Variants in AQR observed in about 807,000 individuals in gnomAD.
The protein encoded by AQR is RNA helicase aquarius.
A neutral mutation model predicts 180.5 loss-of-function variants in AQR; 61 were observed. The observed-to-expected ratio is 0.34, with a 90% CI of 0.28 to 0.42. The LOEUF (loss-of-function observed/expected upper bound fraction) is 0.42, where lower values mean the gene tolerates loss of function less well. Among genes scored for constraint, AQR ranks in the 10% least tolerant of loss-of-function variants. AQR has a pLI of 1.00. For missense variants in AQR, 1,281 were observed against 1,798.3 expected, an observed-to-expected ratio of 0.71 and a Z score of 5.20; for synonymous variants, 551 against 588.8, an observed-to-expected ratio of 0.94 and a Z score of 0.93.
intron 23 of AQR, among the ~76,000 whole-genome samples, chr15:34,891,880 A>G (rs1366799039): frequency 2.0e-5 from 3 of 152,282 alleles, no homozygotes; most frequent in East Asian, 3.9e-4. Context: ...ATAATTATGT[A>G]TAACATATAT....
intron 5 of AQR, 154 bp downstream of exon 5, chr15:34,948,110 C>T: frequency 1.3e-6 from 1 of 768,580 alleles, no homozygotes; most frequent in Non-Finnish European, 1.9e-6. Context: ...CAAAAGAAAA[C>T]ATATCTTTCA....
intron 24 of AQR, among the ~76,000 whole-genome samples, chr15:34,888,678 C>A (rs1434967104): frequency 1.3e-5 from 2 of 152,106 alleles, no homozygotes; most frequent in Non-Finnish European, 2.9e-5. Context: ...GCCTGGGCAA[C>A]AAAGTGAAAC....
chr15:34,929,288 C>T (rs774089615), intron 12 of AQR, among the ~76,000 whole-genome samples: 9 of 152,032 alleles, frequency 5.9e-5, no homozygotes, highest in Non-Finnish European at 8.8e-5. Flanking sequence ...TGAATGGTAT[C>T]GCCTAGGTTT....
Position 34,867,557 on chromosome 15 carries a change from G to GA in AQR, c.3820dup (p.Ser1274PhefsTer23). The GA allele has an allele frequency of 6.2e-7, 1 of 1,612,272 alleles. No individual in the cohort carries two copies. The highest frequency in any genetic ancestry group is 8.5e-7 in the Non-Finnish European group (1 of 1,179,284). ...GCCCACTGCCCTGGTTCGTACCAGA[G>GA]AAAGAAGAATATAGTCATTCTGTTG... On this transcript the variant is annotated frameshift_variant, in exon 32 of 35. Coordinates refer to ENST00000156471, the MANE Select transcript of AQR (RefSeq NM_014691.3). LOFTEE classifies it high-confidence loss of function.
At position 34,852,912 on chromosome 15, in the gene AQR, A is replaced by C. The variant is rs1199140973; in HGVS notation, c.*3880T>G. On this transcript the variant is annotated 3_prime_UTR_variant, in exon 35 of 35. Coordinates refer to ENST00000156471, the MANE Select transcript of AQR (RefSeq NM_014691.3). ...AAGTGAATAAAGCTGGCACACTGTC[A>C]GTCCGGAGTACCATGCTGCATTCTG... 6.6e-6 allele frequency: 1 copy of C among 152,274 alleles called. No homozygotes were observed. Among genetic ancestry groups the C allele is most frequent in the African/African-American group, 2.4e-5 (1 of 41,478 alleles). The allele number at this position is 152,274 out of a possible 1,614,324, so 9.4% of individuals were successfully genotyped here.
At chr15:34,857,732 C>CA (rs1461340409) in intron 34 of AQR, among the ~76,000 whole-genome samples, 5 of 151,160 alleles carry the variant, frequency 3.3e-5, no homozygotes, top group African/African-American at 4.9e-5. Flanking sequence ...GCCTGGGTGA[C>CA]AGAGAGAGAT....
At chr15:34,858,836 A>G (rs1347669992) in intron 34 of AQR, among the ~76,000 whole-genome samples, 1 of 152,232 alleles carries the variant, frequency 6.6e-6, no homozygotes, top group Non-Finnish European at 1.5e-5. Flanking sequence ...CAACAAAGAA[A>G]AAAATCGCCT....
chr15:34,920,331 C>A lies in AQR; in HGVS notation c.1221+1G>T. 1 of 1,596,076 alleles carries A rather than the reference C, an allele frequency of 6.3e-7. No individual in the cohort carries two copies. Among genetic ancestry groups the A allele is most frequent in the Non-Finnish European group, 8.6e-7 (1 of 1,165,490 alleles). On this transcript the variant is annotated splice_donor_variant, in intron 14 of 34. Transcript: ENST00000156471. LOFTEE classifies it high-confidence loss of function. ...AAAATTCAGAGAACATTAATATTTACCAGCAATTCTAGAAGAAATTCTTTA... is the reference window on the plus strand; with the variant it reads ...AAAATTCAGAGAACATTAATATTTAACAGCAATTCTAGAAGAAATTCTTTA...
chr15:34,940,143 G>A (rs1894001166), intron 8 of AQR, among the ~76,000 whole-genome samples: 1 of 152,220 alleles, frequency 6.6e-6, no homozygotes, highest in Admixed American at 6.5e-5. Flanking sequence ...AAGGGACTTA[G>A]GAAAGAAATG....
intron 16 of AQR, among the ~76,000 whole-genome samples, chr15:34,913,669 A>G (rs1893533795): frequency 1.3e-5 from 2 of 152,238 alleles, no homozygotes; most frequent in South Asian, 4.1e-4. Flanking sequence ...TATTTGTTGA[A>G]CTGCCAGTTA....
intron 24 of AQR, among the ~76,000 whole-genome samples, chr15:34,888,388 TAAAG>T (rs1374856509): frequency 6.6e-6 from 1 of 151,370 alleles, no homozygotes; most frequent in Non-Finnish European, 1.5e-5. Context: ...ACTTAAAAGA[TAAAG>T]AATTATTTTT....
At chr15:34,893,866 T>A in intron 22 of AQR, 93 bp from the exon 23 acceptor site, 1 of 1,107,026 alleles carries the variant, frequency 9.0e-7, no homozygotes, top group Non-Finnish European at 1.4e-6. Flanking sequence ...AAAGATAAAA[T>A]TAACAAATTC....
At chr15:34,867,002 T>C (rs1156830347) in intron 32 of AQR, among the ~76,000 whole-genome samples, 1 of 152,134 alleles carries the variant, frequency 6.6e-6, no homozygotes, top group Non-Finnish European at 1.5e-5. Context: ...ATGGATGCTT[T>C]ATAATAAGAA....
At chr15:34,888,704 C>CA (rs1033043924) in intron 24 of AQR, among the ~76,000 whole-genome samples, 2 of 151,794 alleles carry the variant, frequency 1.3e-5, no homozygotes, top group Non-Finnish European at 2.9e-5. Context: ...CTCAAAAAAA[C>CA]AAAAAAAGCA....
intron 5 of AQR, 142 bp from the exon 6 acceptor site, chr15:34,944,570 C>G (rs1052759668): frequency 2.6e-6 from 2 of 779,700 alleles, no homozygotes; most frequent in Non-Finnish European, 3.8e-6. Context: ...AAAGAAGCAT[C>G]ACGTGCTTAC....
At chr15:34,898,680 C>G (rs1055536860) in intron 20 of AQR, among the ~76,000 whole-genome samples, 16 of 152,066 alleles carry the variant, frequency 1.1e-4, no homozygotes, top group Non-Finnish European at 1.8e-4. Flanking sequence ...GTCAGGAGAT[C>G]GAGACCATCC....
intron 19 of AQR, among the ~76,000 whole-genome samples, chr15:34,902,381 C>T (rs1893344205): frequency 6.6e-6 from 1 of 152,122 alleles, no homozygotes; most frequent in South Asian, 2.1e-4. Flanking sequence ...AGAGATGCTA[C>T]ACAGATACAT....
At chr15:34,861,705 A>G (rs1206314361) in intron 33 of AQR, among the ~76,000 whole-genome samples, 2 of 152,144 alleles carry the variant, frequency 1.3e-5, no homozygotes, top group Admixed American at 6.5e-5. Context: ...TTGTGTCTAG[A>G]CTTGAGCCTG....
rs1309576097 is a variant in AQR at position 34,947,518 on chromosome 15, AT to A, written c.330+745del. On this transcript the variant is annotated intron_variant, in intron 5 of 34. Transcript: ENST00000156471. Reference sequence around the variant, plus strand: ...CCAAGAATGATCAATAAAAAAAATAATAATAATAATAATAATAATAAAATAA... The same window carrying A: ...CCAAGAATGATCAATAAAAAAAATAAAATAATAATAATAATAATAAAATAA... Among the ~76,000 whole-genome samples the A allele has an allele frequency of 2.3e-3, 329 of 142,738 alleles. 6 individuals are homozygous for A. The highest frequency in any genetic ancestry group is 4.0e-3 in the Admixed American group (58 of 14,324). 93.6% of individuals were successfully genotyped at this position (142,738 alleles called of 152,430 possible). A position where few individuals can be genotyped will look rare whatever the true frequency, so the allele number is the denominator to read the frequency against.
Sources: gnomAD v4.1 joint callset for allele counts (sites outside exome capture counted in the v4.1 genomes callset) on GRCh38, gnomAD v4.1.1 for gene constraint, MANE v1.5 for transcripts, NCBI Gene and HGNC (gene_info 2026-07-23, HGNC 2026-07-21) for gene names.